VAT1L: variants seen among roughly 807,000 people sequenced by gnomAD.
VAT1L encodes the protein vesicle amine transport 1 like.
Under a neutral mutation model 44.1 loss-of-function variants are expected in VAT1L, and 34 were observed. That is an observed-to-expected ratio of 0.77 (90% CI 0.59 to 1.03). The LOEUF is 1.03. VAT1L is among the 50% of genes least tolerant of loss of function. The pLI is 0.00. For missense variants in VAT1L, 615 were observed against 538.8 expected (o/e 1.14, Z -1.40); for synonymous variants, 253 against 202.2 (o/e 1.25, Z -2.13).
intron 4 of VAT1L, among the ~76,000 whole-genome samples, chr16:77,863,094 C>T (rs867046442): frequency 6.6e-6 from 1 of 152,170 alleles, no homozygotes; most frequent in Non-Finnish European, 1.5e-5. Flanking sequence ...AGGAACGAAT[C>T]GGCTAACTTG....
At chr16:77,966,189 C>T (rs1247363951) in intron 7 of VAT1L, among the ~76,000 whole-genome samples, 1 of 152,150 alleles carries the variant, frequency 6.6e-6, no homozygotes, top group Non-Finnish European at 1.5e-5. Flanking sequence ...TTTTTAGCCA[C>T]ATTTGTGGTT....
Position 77,963,892 on chromosome 16 carries a change from G to A in VAT1L, c.1078-7958G>A, listed in dbSNP as rs781164574. Among the ~76,000 whole-genome samples, 28 of 152,286 alleles carry A rather than the reference G, an allele frequency of 1.8e-4. 1 individual carries two copies. The highest frequency in any genetic ancestry group is 2.1e-4 in the South Asian group (1 of 4,826). On this transcript the variant is annotated intron_variant, in intron 7 of 8. Transcript: ENST00000302536. ...GAGCTGTCTCACTAGCAAAGAGGAC[G>A]TCTTCGCAATACGTGAAGACCTTCA...
At chr16:77,902,137 G>A (rs1389451098) in intron 7 of VAT1L, among the ~76,000 whole-genome samples, 1 of 152,138 alleles carries the variant, frequency 6.6e-6, no homozygotes, top group Non-Finnish European at 1.5e-5. Flanking sequence ...AATTCCATTA[G>A]AAAACAAAGC....
Position 77,812,902 on chromosome 16 carries a change from A to C in VAT1L, c.234-4019A>C, listed in dbSNP as rs561310349. ...TGAGACAGTCTTATATTATTTATTA[A>C]AATTATACCAATCTTTGAGAAAAAT... On this transcript the variant is annotated intron_variant, in intron 1 of 8. Transcript: ENST00000302536. Among the ~76,000 whole-genome samples the C allele has an allele frequency of 5.3e-5, 8 of 152,300 alleles. No individual in the cohort carries two copies. In the South Asian group the frequency reaches 1.7e-3, roughly 32 times the overall value.
At chr16:77,959,116 C>T (rs910577984) in intron 7 of VAT1L, among the ~76,000 whole-genome samples, 2 of 152,188 alleles carry the variant, frequency 1.3e-5, no homozygotes, top group African/African-American at 4.8e-5. Flanking sequence ...TTTTGCACGC[C>T]AGTCACCTCC....
At chr16:77,807,059 C>T (rs2016173612) in intron 1 of VAT1L, among the ~76,000 whole-genome samples, 1 of 152,176 alleles carries the variant, frequency 6.6e-6, no homozygotes, top group Non-Finnish European at 1.5e-5. Flanking sequence ...TCTTTCCTGC[C>T]TTTGCACCAT....
chr16:77,887,442 G>C (rs1001101067), intron 7 of VAT1L, among the ~76,000 whole-genome samples: 3 of 152,154 alleles, frequency 2.0e-5, no homozygotes, highest in Non-Finnish European at 2.9e-5. Flanking sequence ...TCTCATTCCA[G>C]CTAAGGAATA....
chr16:77,871,432 C>T (rs2017031726), intron 4 of VAT1L, among the ~76,000 whole-genome samples: 1 of 152,074 alleles, frequency 6.6e-6, no homozygotes, highest in African/African-American at 2.4e-5. Flanking sequence ...AAGAAAGCAC[C>T]CCCCAGCTTT....
At chr16:77,940,707 TAA>T (rs1202183490) in intron 7 of VAT1L, among the ~76,000 whole-genome samples, 6 of 152,166 alleles carry the variant, frequency 3.9e-5, no homozygotes, top group African/African-American at 1.4e-4. Flanking sequence ...GATACATCCA[TAA>T]TTAATTTAAA....
At chr16:77,963,722 C>T (rs947745276) in intron 7 of VAT1L, among the ~76,000 whole-genome samples, 5 of 151,728 alleles carry the variant, frequency 3.3e-5, no homozygotes, top group African/African-American at 9.7e-5. Flanking sequence ...CTGAGACTCC[C>T]GTGGCTCCAC....
Position 77,810,667 on chromosome 16 carries a change from C to T in VAT1L, c.234-6254C>T, listed in dbSNP as rs569763158. Among the ~76,000 whole-genome samples, 45 of 152,140 alleles carry T rather than the reference C, an allele frequency of 3.0e-4. 1 individual carries two copies. The South Asian group carries it at 4.8e-3, about 16-fold the overall frequency. ...CCTGGGTGACAGAGCTAGACTCTAT[C>T]TCAAAAACAACAACAAAAATGATAT... is the stretch of plus-strand genomic sequence containing the variant. On this transcript the variant is annotated intron_variant, in intron 1 of 8. Coordinates refer to ENST00000302536, the MANE Select transcript of VAT1L (RefSeq NM_020927.3).
At chr16:77,815,258 T>C (rs2016331108) in intron 1 of VAT1L, among the ~76,000 whole-genome samples, 2 of 152,174 alleles carry the variant, frequency 1.3e-5, no homozygotes, top group Non-Finnish European at 2.9e-5. Flanking sequence ...TCCAAATTCT[T>C]TGACTGCTTT....
chr16:77,970,128 T>A (rs1441316182), intron 7 of VAT1L, among the ~76,000 whole-genome samples: 1 of 150,874 alleles, frequency 6.6e-6, no homozygotes, highest in Admixed American at 6.6e-5. Flanking sequence ...CCTAGCTACT[T>A]GGTAGGCTGA....
intron 8 of VAT1L, among the ~76,000 whole-genome samples, chr16:77,973,468 A>G (rs1029209908): frequency 6.6e-6 from 1 of 151,990 alleles, no homozygotes; most frequent in African/African-American, 2.4e-5. Context: ...TATTTTTAGT[A>G]GAGATGGGGT....
chr16:77,931,732 G>A (rs1484207736), intron 7 of VAT1L, among the ~76,000 whole-genome samples: 3 of 152,184 alleles, frequency 2.0e-5, no homozygotes, highest in Non-Finnish European at 4.4e-5. Context: ...TAGGCAGGGG[G>A]CAATATGAAA....
chr16:77,892,274 T>G, intron 7 of VAT1L: 1 of 261,300 alleles, frequency 3.8e-6, no homozygotes, highest in Non-Finnish European at 7.5e-6. Flanking sequence ...CAAGGAGAAA[T>G]TGTGGAAAGT....
chr16:77,940,938 C>T (rs1489526769), intron 7 of VAT1L, among the ~76,000 whole-genome samples: 1 of 152,170 alleles, frequency 6.6e-6, no homozygotes, highest in Non-Finnish European at 1.5e-5. Context: ...CTCTTGAACA[C>T]ATCCCTCTCC....
At chr16:77,868,812 G>A (rs549379066) in intron 4 of VAT1L, among the ~76,000 whole-genome samples, 23 of 152,232 alleles carry the variant, frequency 1.5e-4, no homozygotes, top group African/African-American at 5.1e-4. Flanking sequence ...TTCTGCTATC[G>A]GTGGCGCTGC....
chr16:77,836,579 A>G (rs2016641181), intron 3 of VAT1L, among the ~76,000 whole-genome samples: 1 of 152,114 alleles, frequency 6.6e-6, no homozygotes, highest in Non-Finnish European at 1.5e-5. Context: ...CATTTCTGAG[A>G]TATGTTGTGG....
Sources: allele counts gnomAD v4.1 joint callset (sites outside exome capture counted in the v4.1 genomes callset), GRCh38; gene constraint gnomAD v4.1.1; transcripts MANE v1.5; gene names NCBI Gene and HGNC (gene_info 2026-07-23, HGNC 2026-07-21).